DOP1A: variants seen among roughly 807,000 people sequenced by gnomAD.
The protein encoded by DOP1A is protein DOP1A.
In DOP1A, 90 loss-of-function variants were observed where a neutral mutation model predicts 267.6. That is an observed-to-expected ratio of 0.34 (90% confidence interval 0.28 to 0.40). The LOEUF (loss-of-function observed/expected upper bound fraction) is 0.40, where lower values mean the gene tolerates loss of function less well. Ranked by LOEUF, DOP1A falls within the 10% of genes least tolerant of loss-of-function variation. The pLI is 1.00. For missense variants in DOP1A, 2,437 were observed against 2,900.4 expected (o/e 0.84, Z 3.67); for synonymous variants, 932 against 999.1 (o/e 0.93, Z 1.27).
intron 38 of DOP1A, among the ~76,000 whole-genome samples, chr6:83,163,822 T>C (rs1784795363): frequency 6.6e-6 from 1 of 152,138 alleles, no homozygotes. Context: ...TTAGAGAAAT[T>C]ATTTAAGGGG....
intron 4 of DOP1A, among the ~76,000 whole-genome samples, chr6:83,102,915 T>G (rs1019560728): frequency 6.6e-6 from 1 of 152,188 alleles, no homozygotes; most frequent in Non-Finnish European, 1.5e-5. Context: ...TCCACAGGTC[T>G]CTTTGCTTAT....
chr6:83,139,278 C>T, intron 21 of DOP1A, 116 bp downstream of exon 21: 2 of 774,650 alleles, frequency 2.6e-6, no homozygotes, highest in South Asian at 1.9e-5. Flanking sequence ...TGGTAGGTTA[C>T]AAATAGTGTA....
chr6:83,161,804 A>G (rs926627327), intron 37 of DOP1A, among the ~76,000 whole-genome samples: 2 of 152,184 alleles, frequency 1.3e-5, no homozygotes, highest in African/African-American at 2.4e-5. Context: ...CTTTAAGCCT[A>G]TAATTCTGCT....
At chr6:83,154,148 T>C (rs754361682) in intron 32 of DOP1A, 32 bp from the exon 33 acceptor site, 2 of 1,612,332 alleles carry the variant, frequency 1.2e-6, no homozygotes, top group Non-Finnish European at 1.7e-6. Flanking sequence ...AGTAACAACA[T>C]AATTACATGT....
chr6:83,145,428 T>C, intron 24 of DOP1A, 96 bp from the exon 25 acceptor site: 3 of 1,129,076 alleles, frequency 2.7e-6, no homozygotes, highest in Non-Finnish European at 3.6e-6. Context: ...ATTTAAAAAA[T>C]ATAAAAAAAG....
At chr6:83,087,800 A>G (rs1324408711) in intron 1 of DOP1A, among the ~76,000 whole-genome samples, 1 of 152,230 alleles carries the variant, frequency 6.6e-6, no homozygotes, top group Non-Finnish European at 1.5e-5. Flanking sequence ...TCAGAGAATA[A>G]TTAAGACTAG....
chr6:83,081,328 C>T, intron 1 of DOP1A, among the ~76,000 whole-genome samples: 1 of 151,984 alleles, frequency 6.6e-6, no homozygotes, highest in East Asian at 1.9e-4. Flanking sequence ...GGCTGGTCTC[C>T]AACTTCTGGC....
intron 36 of DOP1A, 35 bp from the exon 37 acceptor site, chr6:83,159,761 G>A (rs773685122): frequency 1.5e-5 from 25 of 1,613,026 alleles, no homozygotes; most frequent in Non-Finnish European, 2.0e-5. Flanking sequence ...GAGTAAATGG[G>A]TCCAGCTGCT....
At chr6:83,127,416 C>T (rs1163239812) in intron 15 of DOP1A, among the ~76,000 whole-genome samples, 2 of 152,268 alleles carry the variant, frequency 1.3e-5, no homozygotes, top group Non-Finnish European at 2.9e-5. Flanking sequence ...TGCAAAGGCT[C>T]TTAGGCAGAG....
chr6:83,093,646 G>A (rs995465112), intron 1 of DOP1A, among the ~76,000 whole-genome samples: 7 of 152,154 alleles, frequency 4.6e-5, no homozygotes, highest in East Asian at 1.9e-4. Flanking sequence ...AGTGGCTCAC[G>A]CCTGTAATGC....
intron 6 of DOP1A, 21 bp downstream of exon 6, chr6:83,110,335 G>T: frequency 6.2e-7 from 1 of 1,603,146 alleles, no homozygotes; most frequent in Non-Finnish European, 8.5e-7. Context: ...AAATATGGTT[G>T]CTCATTTCAC....
chr6:83,169,444 C>A, downstream of DOP1A: 1 of 1,185,144 alleles, frequency 8.4e-7, no homozygotes, highest in Non-Finnish European at 1.2e-6. Flanking sequence ...GTTTCACTAA[C>A]AAATTCTAAT....
At chr6:83,100,097 C>G (rs1772292307) in intron 3 of DOP1A, among the ~76,000 whole-genome samples, 2 of 151,882 alleles carry the variant, frequency 1.3e-5, no homozygotes, top group South Asian at 4.2e-4. Flanking sequence ...GAAATTCTGC[C>G]CTGACCATTA....
At position 83,125,548 on chromosome 6, in the gene DOP1A, A is replaced by G; in HGVS notation, c.1534A>G (p.Arg512Gly). 1 of 1,613,830 alleles carries G rather than the reference A, an allele frequency of 6.2e-7. No homozygotes were observed. The highest frequency in any genetic ancestry group is 8.5e-7 in the Non-Finnish European group (1 of 1,179,796). The change falls in exon 15 of 39, where the codon AGA (arginine) becomes GGA (glycine). Residue 512 changes from arginine to glycine, a missense_variant. Coordinates refer to ENST00000349129, the MANE Select transcript of DOP1A (RefSeq NM_015018.4). ...AGAACACTTGCCCCAGTTGCTGCTCAGAATGATTTCTGCCTTGACAAGCCA... is the reference window on the plus strand; with the variant it reads ...AGAACACTTGCCCCAGTTGCTGCTCGGAATGATTTCTGCCTTGACAAGCCA... ...QTEHLPQLLLRMISALTSHLQ... is the reference protein window; with the variant it reads ...QTEHLPQLLLGMISALTSHLQ...
chr6:83,090,415 T>C lies in DOP1A; in HGVS notation c.-146-6316T>C, dbSNP rs112542459. ...CTGTCTTTTCATCGCCTGGGGTTTC[T>C]GTGAAACACTACTCTGTTATTAAGT... On this transcript the variant is annotated intron_variant, in intron 1 of 38. Transcript: ENST00000349129. Among the ~76,000 whole-genome samples, 1,094 of 152,300 alleles carry C rather than the reference T, an allele frequency of 7.2e-3. 14 individuals are homozygous for C. Among genetic ancestry groups the C allele is most frequent in the African/African-American group, 0.025 (1,036 of 41,576 alleles).
Position 83,137,675 on chromosome 6 carries a change from T to C in DOP1A, c.3633T>C (p.Asn1211=). 1 of 1,613,614 alleles carries C rather than the reference T, an allele frequency of 6.2e-7. No individual in the cohort carries two copies. Among genetic ancestry groups the C allele is most frequent in the Non-Finnish European group, 8.5e-7 (1 of 1,179,792 alleles). Residue 1211 remains asparagine (N), a synonymous_variant, in exon 21 of 39, where the codon AAT becomes AAC. Coordinates refer to ENST00000349129, the MANE Select transcript of DOP1A (RefSeq NM_015018.4). ...AGAGTCAGAATGCTTTGCTGAGTAA[T>C]GAAAGTTCTCAGTTTCTGTCTGTGT... ...IQQSQNALLS[N]ESSQFLSVSA... is the part of the protein sequence containing the mutation.
chr6:83,169,461 C>G (rs1252205344), downstream of DOP1A: 1 of 966,362 alleles, frequency 1.0e-6, no homozygotes, highest in Non-Finnish European at 1.5e-6. Context: ...TAATGAAAAC[C>G]TTTTTTCATC....
At chr6:83,157,427 G>T in intron 35 of DOP1A, 109 bp downstream of exon 35, 1 of 1,126,390 alleles carries the variant, frequency 8.9e-7, no homozygotes, top group Non-Finnish European at 1.3e-6. Flanking sequence ...CTGAGCTGTA[G>T]TTAAACCAGT....
intron 38 of DOP1A, among the ~76,000 whole-genome samples, chr6:83,163,550 T>C (rs1784738136): frequency 6.6e-6 from 1 of 152,228 alleles, no homozygotes; most frequent in South Asian, 2.1e-4. Context: ...ATATATATGC[T>C]AAAATTCATT....
Sources: allele counts gnomAD v4.1 joint callset (sites outside exome capture counted in the v4.1 genomes callset), GRCh38; gene constraint gnomAD v4.1.1; transcripts MANE v1.5; gene names NCBI Gene and HGNC (gene_info 2026-07-23, HGNC 2026-07-21).